NMNAT2: variants seen among roughly 807,000 people sequenced by gnomAD.
The protein encoded by NMNAT2 is nicotinamide nucleotide adenylyltransferase 2.
A neutral mutation model predicts 41.6 loss-of-function variants in NMNAT2; 11 were observed. That is an observed-to-expected ratio of 0.26 (90% CI 0.17 to 0.44). NMNAT2 has a LOEUF of 0.44. Among genes scored for constraint, NMNAT2 ranks in the 20% least tolerant of loss-of-function variants. The probability of loss-of-function intolerance (pLI) is 1.00; values close to 1 mark genes in which losing one functional copy is unlikely to be tolerated. For missense variants in NMNAT2, 288 were observed against 407.7 expected (o/e 0.71, Z 2.53); for synonymous variants, 148 against 151.2 (o/e 0.98, Z 0.16).
Position 183,365,506 on chromosome 1 carries a change from C to T in NMNAT2, c.85+52677G>A, listed in dbSNP as rs190533321. Among the ~76,000 whole-genome samples the T allele has an allele frequency of 3.1e-3, 476 of 152,156 alleles. 2 individuals are homozygous for T. The highest frequency in any genetic ancestry group is 5.3e-3 in the Non-Finnish European group (357 of 67,998). Reference sequence around the variant, plus strand: ...GCACGGTGGCTCATGCCTGTAATCTCAGCACTTTGGGAGGCCGAGGAGGGT... The same window carrying T: ...GCACGGTGGCTCATGCCTGTAATCTTAGCACTTTGGGAGGCCGAGGAGGGT... On this transcript the variant is annotated intron_variant, in intron 1 of 10. Coordinates refer to ENST00000287713, the MANE Select transcript of NMNAT2 (RefSeq NM_015039.4).
intron 1 of NMNAT2, among the ~76,000 whole-genome samples, chr1:183,357,008 C>A (rs1165810779): frequency 6.6e-6 from 1 of 152,028 alleles, no homozygotes; most frequent in Non-Finnish European, 1.5e-5. Context: ...GTATATTATC[C>A]ATCTGCTACA....
intron 1 of NMNAT2, among the ~76,000 whole-genome samples, chr1:183,296,987 G>T (rs1298182037): frequency 6.6e-6 from 1 of 151,812 alleles, no homozygotes; most frequent in Non-Finnish European, 1.5e-5. Context: ...TTTCTATCTG[G>T]CCCTTGGCAG....
intron 1 of NMNAT2, among the ~76,000 whole-genome samples, chr1:183,364,187 A>G (rs188876001): frequency 8.5e-5 from 13 of 152,378 alleles, no homozygotes; most frequent in Admixed American, 8.5e-4. Context: ...TGTGCTATGT[A>G]CTAGGAACAC....
chr1:183,407,575 T>A (rs571639526), intron 1 of NMNAT2, among the ~76,000 whole-genome samples: 5 of 152,338 alleles, frequency 3.3e-5, no homozygotes, highest in Middle Eastern at 3.4e-3. Context: ...GCTGGGCACC[T>A]TAGGAGATAC....
At chr1:183,311,985 G>T (rs1220328042) in intron 1 of NMNAT2, among the ~76,000 whole-genome samples, 1 of 151,966 alleles carries the variant, frequency 6.6e-6, no homozygotes, top group African/African-American at 2.4e-5. Flanking sequence ...CGCTCTTTTT[G>T]CCTGCTGCCC....
intron 7 of NMNAT2, among the ~76,000 whole-genome samples, chr1:183,281,516 T>C (rs1661269456): frequency 6.6e-6 from 1 of 152,234 alleles, no homozygotes; most frequent in Non-Finnish European, 1.5e-5. Context: ...AAATATAATA[T>C]GGGACTTTTA....
chr1:183,269,788 G>C (rs1380575301), intron 8 of NMNAT2, among the ~76,000 whole-genome samples: 1 of 152,214 alleles, frequency 6.6e-6, no homozygotes, highest in East Asian at 1.9e-4. Context: ...ACGAGTGAAT[G>C]TGAATGGAAT....
chr1:183,290,790 T>A (rs1661519966), intron 3 of NMNAT2: 1 of 152,148 alleles, frequency 6.6e-6, no homozygotes, highest in South Asian at 2.1e-4. Context: ...CTTGTGGGCG[T>A]GGAGGTGAGA....
intron 1 of NMNAT2, among the ~76,000 whole-genome samples, chr1:183,318,549 G>C (rs997124926): frequency 2.0e-5 from 3 of 152,172 alleles, no homozygotes; most frequent in Admixed American, 1.3e-4. Context: ...CAGGACGATG[G>C]GGGAGGAATT....
chr1:183,373,035 C>T (rs1663585498), intron 1 of NMNAT2, among the ~76,000 whole-genome samples: 1 of 152,234 alleles, frequency 6.6e-6, no homozygotes, highest in Admixed American at 6.5e-5. Context: ...GATGTCTCAT[C>T]CCTGCAGCTG....
chr1:183,366,741 T>C (rs2102363069), intron 1 of NMNAT2, among the ~76,000 whole-genome samples: 1 of 152,218 alleles, frequency 6.6e-6, no homozygotes, highest in South Asian at 2.1e-4. Flanking sequence ...CATAGATGGA[T>C]CTTATGCTAA....
At chr1:183,377,159 C>T (rs1032119545) in intron 1 of NMNAT2, among the ~76,000 whole-genome samples, 8 of 152,064 alleles carry the variant, frequency 5.3e-5, no homozygotes, top group African/African-American at 1.9e-4. Context: ...GAACTCTCTA[C>T]CTGTGGTAAA....
rs115211162 is a variant in NMNAT2, at chr1:183,256,624, A to G, written c.822-3881T>C. Among the ~76,000 whole-genome samples the G allele has an allele frequency of 3.1e-3, 471 of 152,354 alleles. 4 individuals are homozygous for G. Among genetic ancestry groups the G allele is most frequent in the African/African-American group, 0.011 (453 of 41,584 alleles). On this transcript the variant is annotated intron_variant, in intron 10 of 10. Coordinates refer to ENST00000287713, the MANE Select transcript of NMNAT2 (RefSeq NM_015039.4). Reference sequence around the variant, plus strand: ...CTGACTGATTTGCATATGTTAAACCAGCCTTGTGTGCCAGGGATAAATCCT... The same window carrying G: ...CTGACTGATTTGCATATGTTAAACCGGCCTTGTGTGCCAGGGATAAATCCT...
intron 1 of NMNAT2, among the ~76,000 whole-genome samples, chr1:183,295,748 T>C (rs1255830379): frequency 1.3e-5 from 2 of 152,194 alleles, no homozygotes; most frequent in African/African-American, 4.8e-5. Context: ...AAATGCCATA[T>C]GGTTGGAATC....
intron 1 of NMNAT2, among the ~76,000 whole-genome samples, chr1:183,389,871 A>AAAGAAGGG (rs1553221563): frequency 4.2e-5 from 2 of 47,284 alleles, no homozygotes; most frequent in East Asian, 1.5e-3. Flanking sequence ...AGAAAGAAAG[A>AAAGAAGGG]AGGGAGGGAG....
At chr1:183,311,391 G>T (rs1020268069) in intron 1 of NMNAT2, among the ~76,000 whole-genome samples, 1 of 152,100 alleles carries the variant, frequency 6.6e-6, no homozygotes, top group Non-Finnish European at 1.5e-5. Flanking sequence ...AGCAGTAAAA[G>T]GATTTTTCAG....
chr1:183,252,583 G>T lies in NMNAT2; in HGVS notation c.*58C>A. 1.7e-6 allele frequency: 2 copies of T among 1,204,284 alleles called. No individual in the cohort carries two copies. The highest frequency in any genetic ancestry group is 1.2e-6 in the Non-Finnish European group (1 of 805,620). The allele number at this position is 1,204,284 out of a possible 1,614,324, so 74.6% of individuals were successfully genotyped here. ...GATGGAGAAACAGAGAGGCAGGAGA[G>T]AAACAGGGGGCTGACAAAGATGGAG... is the stretch of plus-strand genomic sequence containing the variant. On this transcript the variant is annotated 3_prime_UTR_variant, in exon 11 of 11. Transcript: ENST00000287713.
chr1:183,304,943 C>T (rs775982839), intron 1 of NMNAT2: 11 of 1,290,338 alleles, frequency 8.5e-6, no homozygotes, highest in Non-Finnish European at 1.1e-5. Flanking sequence ...TCTGCCAGAC[C>T]ATGCTGAGAG....
At chr1:183,264,871 T>G (rs1660765504) in intron 8 of NMNAT2, among the ~76,000 whole-genome samples, 1 of 152,146 alleles carries the variant, frequency 6.6e-6, no homozygotes, top group Non-Finnish European at 1.5e-5. Context: ...CTCTGGCTGC[T>G]GGCTACTCCT....
Sources: gnomAD v4.1 joint callset for allele counts (sites outside exome capture counted in the v4.1 genomes callset) on GRCh38, gnomAD v4.1.1 for gene constraint, MANE v1.5 for transcripts, NCBI Gene and HGNC (gene_info 2026-07-23, HGNC 2026-07-21) for gene names.